The following ELMO1 variants were observed in gnomAD, a reference collection of about 807,000 sequenced individuals.
ELMO1 encodes the protein engulfment and cell motility protein 1.
Under a neutral mutation model 98.9 loss-of-function variants are expected in ELMO1, and 26 were observed. That is an observed-to-expected ratio of 0.26 (90% confidence interval 0.19 to 0.36). The LOEUF (loss-of-function observed/expected upper bound fraction) is 0.36, where lower values mean the gene tolerates loss of function less well. Ranked by LOEUF, ELMO1 falls within the 10% of genes least tolerant of loss-of-function variation. The probability of loss-of-function intolerance (pLI) is 1.00; values close to 1 mark genes in which losing one functional copy is unlikely to be tolerated. For synonymous variants in ELMO1, 346 were observed against 346.0 expected, an observed-to-expected ratio of 1.00 and a Z score of 0.00; for missense variants, 627 against 935.2, an observed-to-expected ratio of 0.67 and a Z score of 4.30.
At chr7:37,321,737 A>AAAAAAAAAAAAC (rs1562612115) in intron 2 of ELMO1, among the ~76,000 whole-genome samples, 1 of 143,212 alleles carries the variant, frequency 7.0e-6, no homozygotes. Context: ...AAAAAAAAAA[A>AAAAAAAAAAAAC]ACACAGAAAA....
At chr7:37,131,315 T>A (rs1786906230) in intron 14 of ELMO1, among the ~76,000 whole-genome samples, 1 of 152,202 alleles carries the variant, frequency 6.6e-6, no homozygotes, top group African/African-American at 2.4e-5. Context: ...AAAGCCACAC[T>A]TCTCTTTACA....
chr7:36,998,520 T>C (rs1314651198), intron 16 of ELMO1, among the ~76,000 whole-genome samples: 2 of 152,200 alleles, frequency 1.3e-5, no homozygotes, highest in Non-Finnish European at 1.5e-5. Context: ...GTGCATTGTA[T>C]ACATATATAA....
At chr7:37,200,017 T>C (rs934352210) in intron 13 of ELMO1, among the ~76,000 whole-genome samples, 6 of 152,192 alleles carry the variant, frequency 3.9e-5, no homozygotes, top group African/African-American at 1.4e-4. Flanking sequence ...CTTCAGTTTT[T>C]CAAGAGAGCT....
At chr7:37,121,838 T>G (rs1250452936) in intron 14 of ELMO1, among the ~76,000 whole-genome samples, 1 of 152,092 alleles carries the variant, frequency 6.6e-6, no homozygotes, top group Non-Finnish European at 1.5e-5. Flanking sequence ...AATTGTCAGA[T>G]TCACCAAAGT....
intron 6 of ELMO1, among the ~76,000 whole-genome samples, chr7:37,257,596 G>A (rs567527048): frequency 1.3e-5 from 2 of 148,852 alleles, no homozygotes; most frequent in South Asian, 2.1e-4. Flanking sequence ...GGTGTCACAC[G>A]CCTGTAGTCC....
intron 16 of ELMO1, among the ~76,000 whole-genome samples, chr7:36,951,139 A>G (rs1175708264): frequency 6.6e-6 from 1 of 152,122 alleles, no homozygotes; most frequent in South Asian, 2.1e-4. Flanking sequence ...CCTGTGTATC[A>G]GCCTCCTTCC....
chr7:37,229,805 G>A (rs1429089962), intron 8 of ELMO1, among the ~76,000 whole-genome samples: 3 of 152,154 alleles, frequency 2.0e-5, no homozygotes, highest in Non-Finnish European at 2.9e-5. Flanking sequence ...TGGGAATGAG[G>A]ACATGAAATA....
intron 2 of ELMO1, among the ~76,000 whole-genome samples, chr7:37,320,725 C>T (rs1799441634): frequency 6.6e-6 from 1 of 152,086 alleles, no homozygotes; most frequent in African/African-American, 2.4e-5. Context: ...TACTAGTTAC[C>T]ACAGTATGTA....
intron 15 of ELMO1, among the ~76,000 whole-genome samples, chr7:37,040,999 G>C (rs963921484): frequency 3.3e-5 from 5 of 152,142 alleles, no homozygotes; most frequent in Admixed American, 2.6e-4. Flanking sequence ...AGGATCGCTT[G>C]AACCCAGGAG....
chr7:37,146,805 C>T (rs567071752), intron 13 of ELMO1, among the ~76,000 whole-genome samples: 8 of 152,246 alleles, frequency 5.3e-5, no homozygotes, highest in African/African-American at 1.9e-4. Context: ...ATAACTGTGA[C>T]AAGGTGTTGG....
intron 17 of ELMO1, 46 bp from the exon 18 acceptor site, chr7:36,887,718 G>T (rs951457253): frequency 6.3e-7 from 1 of 1,589,944 alleles, no homozygotes; most frequent in Non-Finnish European, 8.6e-7. Flanking sequence ...TTGAGAAACA[G>T]AGTGTGGCTT....
At chr7:37,292,951 G>C (rs1475089387) in intron 4 of ELMO1, among the ~76,000 whole-genome samples, 391 of 37,116 alleles carry the variant, frequency 0.011, 1 homozygote, top group East Asian at 0.024. Context: ...CAGCCGCCCC[G>C]TCCGGGAAGT....
chr7:36,874,058 GTGGGGAAAAGATGCGCCTT>G (rs1180284403), intron 19 of ELMO1, among the ~76,000 whole-genome samples: 5 of 152,252 alleles, frequency 3.3e-5, no homozygotes. Context: ...GCATGGAATG[GTGGGGAAAAGATGCGCCTT>G]TGGAATCAGA....
At chr7:37,173,962 C>T (rs1790349713) in intron 13 of ELMO1, among the ~76,000 whole-genome samples, 1 of 152,216 alleles carries the variant, frequency 6.6e-6, no homozygotes, top group Non-Finnish European at 1.5e-5. Flanking sequence ...AAGCTAACGT[C>T]ATCTGGCTTG....
intron 14 of ELMO1, among the ~76,000 whole-genome samples, chr7:37,103,445 C>T (rs956085561): frequency 1.4e-5 from 2 of 144,586 alleles, no homozygotes; most frequent in African/African-American, 5.2e-5. Flanking sequence ...TGCATGTTCT[C>T]ACTCATAGGT....
chr7:36,990,238 A>T (rs939225995), intron 16 of ELMO1, among the ~76,000 whole-genome samples: 8 of 152,194 alleles, frequency 5.3e-5, no homozygotes, highest in Admixed American at 5.2e-4. Flanking sequence ...CTAGACTGTG[A>T]TGAAAAAAGT....
intron 13 of ELMO1, among the ~76,000 whole-genome samples, chr7:37,200,105 G>A (rs372031928): frequency 2.0e-5 from 3 of 151,996 alleles, no homozygotes; most frequent in Non-Finnish European, 2.9e-5. Flanking sequence ...ATAGGGTTTC[G>A]CTCTGTTGCC....
intron 16 of ELMO1, among the ~76,000 whole-genome samples, chr7:36,941,360 TGTTTTTCAGAG>T (rs1787018695): frequency 1.3e-5 from 2 of 152,296 alleles, no homozygotes; most frequent in South Asian, 4.1e-4. Flanking sequence ...CTTAGATCAG[TGTTTTTCAGAG>T]TAAGCTCTGG....
chr7:36,861,856 A>C, intron 20 of ELMO1, 120 bp from the exon 21 acceptor site: 1 of 890,372 alleles, frequency 1.1e-6, no homozygotes, highest in Non-Finnish European at 1.9e-6. Flanking sequence ...GCGGAGCTGC[A>C]ATGAGGCTGA....
Sources: allele counts gnomAD v4.1 joint callset (sites outside exome capture counted in the v4.1 genomes callset), GRCh38; gene constraint gnomAD v4.1.1; transcripts MANE v1.5; gene names NCBI Gene and HGNC (gene_info 2026-07-23, HGNC 2026-07-21).